Variants in RBM6 observed in about 807,000 individuals in gnomAD.
RBM6 encodes the protein RNA binding motif protein 6.
A neutral mutation model predicts 140.4 loss-of-function variants in RBM6; 23 were observed. That is an observed-to-expected ratio of 0.16 (90% CI 0.12 to 0.23). The LOEUF (loss-of-function observed/expected upper bound fraction) is 0.23. RBM6 is among the 10% of genes least tolerant of loss of function. The pLI is 1.00. For synonymous variants in RBM6, 439 were observed against 475.6 expected, an observed-to-expected ratio of 0.92 and a Z score of 1.00; for missense variants, 1,139 against 1,386.7, an observed-to-expected ratio of 0.82 and a Z score of 2.84.
Position 49,991,681 on chromosome 3 carries a change from G to A in RBM6, c.1484-7759G>A, listed in dbSNP as rs144598984. Among the ~76,000 whole-genome samples the A allele has an allele frequency of 1.2e-4, 19 of 152,268 alleles. No individual in the cohort carries two copies. The East Asian group carries it at 2.3e-3, about 19-fold the overall frequency. Reference sequence around the variant, plus strand: ...TGCCTTTAGTTGGGCACTGGATATCGGTTACAGGGCATAAGTGGCCCAGTG... The same window carrying A: ...TGCCTTTAGTTGGGCACTGGATATCAGTTACAGGGCATAAGTGGCCCAGTG... On this transcript the variant is annotated intron_variant, in intron 5 of 20. Coordinates refer to ENST00000266022, the MANE Select transcript of RBM6 (RefSeq NM_005777.3).
rs550298167 is a variant in RBM6, at chr3:50,029,711, C to T, written c.1558-18534C>T. Among the ~76,000 whole-genome samples the T allele has an allele frequency of 4.6e-5, 7 of 151,858 alleles. No homozygotes were observed. The South Asian group carries it at 1.0e-3, about 23-fold the overall frequency. ...TCGTGCCACTGCACTCCAGCCAGGG[C>T]GACAGAGCGAGACTCTGTCTCAAAA... On this transcript the variant is annotated intron_variant, in intron 6 of 20. Coordinates refer to ENST00000266022, the MANE Select transcript of RBM6 (RefSeq NM_005777.3).
intron 20 of RBM6, among the ~76,000 whole-genome samples, chr3:50,075,992 A>G (rs1414646097): frequency 6.6e-6 from 1 of 150,394 alleles, no homozygotes; most frequent in Non-Finnish European, 1.5e-5. Flanking sequence ...TTTTTGAGAC[A>G]GAGTCTTGCT....
intron 8 of RBM6, 89 bp downstream of exon 8, chr3:50,054,484 C>A (rs2108899350): frequency 8.4e-7 from 1 of 1,187,536 alleles, no homozygotes; most frequent in South Asian, 1.3e-5. Context: ...ATTATCATCC[C>A]TAAATCCAAG....
intron 1 of RBM6, among the ~76,000 whole-genome samples, chr3:49,958,567 C>T (rs1171794391): frequency 1.3e-5 from 2 of 148,974 alleles, no homozygotes; most frequent in Non-Finnish European, 3.0e-5. Flanking sequence ...CAGCAAGACT[C>T]TGTCTCAAAA....
rs747331044 is a variant in RBM6 at position 50,047,763 on chromosome 3, G to A, written c.1558-482G>A. On this transcript the variant is annotated intron_variant, in intron 6 of 20. Coordinates refer to ENST00000266022, the MANE Select transcript of RBM6 (RefSeq NM_005777.3). ...CTGGTGCTTTTGCCATACAGCCAGT[G>A]TTTCAAAGAAAATTTTCAGGCACTA... is the stretch of plus-strand genomic sequence containing the variant. Among the ~76,000 whole-genome samples, 7 of 152,144 alleles carry A rather than the reference G, an allele frequency of 4.6e-5. No individual in the cohort carries two copies. The South Asian group carries it at 1.2e-3, about 27-fold the overall frequency.
At chr3:50,023,655 ATTTTTTT>A (rs35083306) in intron 6 of RBM6, among the ~76,000 whole-genome samples, 2 of 115,106 alleles carry the variant, frequency 1.7e-5, no homozygotes, top group Admixed American at 1.0e-4. Flanking sequence ...ATGTTTGGTG[ATTTTTTT>A]TTTTTTTTTT....
intron 4 of RBM6, among the ~76,000 whole-genome samples, chr3:49,973,481 AAC>A (rs2084896692): frequency 6.6e-6 from 1 of 152,106 alleles, no homozygotes; most frequent in Non-Finnish European, 1.5e-5. Flanking sequence ...ACACATGAGA[AAC>A]TGGACACTAA....
intron 1 of RBM6, among the ~76,000 whole-genome samples, chr3:49,952,134 A>G (rs1575526598): frequency 6.6e-6 from 1 of 151,976 alleles, no homozygotes; most frequent in East Asian, 1.9e-4. Context: ...TCCCGAGTTC[A>G]AGTGATTCTC....
At chr3:50,039,551 T>C (rs1171076580) in intron 6 of RBM6, among the ~76,000 whole-genome samples, 1 of 147,582 alleles carries the variant, frequency 6.8e-6, no homozygotes, top group Non-Finnish European at 1.5e-5. Flanking sequence ...GCACCCAGCA[T>C]ACGGAAATAA....
intron 5 of RBM6, among the ~76,000 whole-genome samples, chr3:49,980,144 G>A (rs1431725306): frequency 2.6e-5 from 4 of 151,810 alleles, no homozygotes; most frequent in Non-Finnish European, 4.4e-5. Flanking sequence ...TGGGATTACA[G>A]GCGCCTGCCC....
At chr3:50,014,085 G>C (rs894638683) in intron 6 of RBM6, among the ~76,000 whole-genome samples, 6 of 152,180 alleles carry the variant, frequency 3.9e-5, no homozygotes, top group Non-Finnish European at 8.8e-5. Context: ...AAGAGTTGTG[G>C]TTAGTCAGAA....
At chr3:50,010,537 C>T (rs1394414224) in intron 6 of RBM6, among the ~76,000 whole-genome samples, 1 of 152,030 alleles carries the variant, frequency 6.6e-6, no homozygotes, top group Admixed American at 6.6e-5. Context: ...ATTGTATATA[C>T]TTTAAAACAG....
intron 6 of RBM6, among the ~76,000 whole-genome samples, chr3:50,018,248 G>T (rs934109805): frequency 6.6e-6 from 1 of 152,268 alleles, no homozygotes; most frequent in Admixed American, 6.5e-5. Context: ...GCCTTTTGCA[G>T]AATTTTATAT....
At chr3:49,996,268 G>A (rs913609009) in intron 5 of RBM6, among the ~76,000 whole-genome samples, 3 of 152,294 alleles carry the variant, frequency 2.0e-5, no homozygotes, top group South Asian at 2.1e-4. Flanking sequence ...CTGTTGCAGC[G>A]CTGGAGGAAA....
In RBM6 at chr3:50,074,199, C is replaced by A. The variant is rs146103732; in HGVS notation, c.3117-1002C>A. Among the ~76,000 whole-genome samples, 801 of 152,316 alleles carry A rather than the reference C, an allele frequency of 5.3e-3. 4 individuals are homozygous for A. Among genetic ancestry groups the A allele is most frequent in the Middle Eastern group, 0.024 (7 of 294 alleles). On this transcript the variant is annotated intron_variant, in intron 19 of 20. Coordinates refer to ENST00000266022, the MANE Select transcript of RBM6 (RefSeq NM_005777.3). Reference sequence around the variant, plus strand: ...ACAAATTGTCTTTTGTGTCTCCTTGCTTGTGTCCTCCTTTTCTCTTACACA... The same window carrying A: ...ACAAATTGTCTTTTGTGTCTCCTTGATTGTGTCCTCCTTTTCTCTTACACA...
chr3:50,001,614 TC>T (rs2086330727), intron 6 of RBM6, among the ~76,000 whole-genome samples: 1 of 152,310 alleles, frequency 6.6e-6, no homozygotes, highest in Non-Finnish European at 1.5e-5. Flanking sequence ...GATTTTTGTG[TC>T]CTTGTGGGTC....
At chr3:49,941,290 G>T (rs2083270062) in intron 1 of RBM6, among the ~76,000 whole-genome samples, 1 of 152,062 alleles carries the variant, frequency 6.6e-6, no homozygotes, top group African/African-American at 2.4e-5. Flanking sequence ...TCAGAAACTA[G>T]CATCTAACTA....
chr3:50,040,483 TATATATATATACACAC>T (rs1559620117), intron 6 of RBM6, among the ~76,000 whole-genome samples: 1 of 116,220 alleles, frequency 8.6e-6, no homozygotes, highest in South Asian at 2.4e-4. Context: ...TATATATATA[TATATATATATACACAC>T]ACACACACAC....
Position 49,962,591 on chromosome 3 carries a change from G to C in RBM6, c.-51G>C. ...TTTTGTACAGGTACTGCTATAACCA[G>C]AATTTGGTAGAAAAAGGATTTACTT... is the stretch of plus-strand genomic sequence containing the variant. On this transcript the variant is annotated 5_prime_UTR_variant, in exon 2 of 21. Coordinates refer to ENST00000266022, the MANE Select transcript of RBM6 (RefSeq NM_005777.3). 1 of 1,537,164 alleles carries C rather than the reference G, an allele frequency of 6.5e-7. No homozygotes were observed.
Sources: gnomAD v4.1 joint callset for allele counts (sites outside exome capture counted in the v4.1 genomes callset) on GRCh38, gnomAD v4.1.1 for gene constraint, MANE v1.5 for transcripts, NCBI Gene and HGNC (gene_info 2026-07-23, HGNC 2026-07-21) for gene names.